The following ITGA11 variants were observed in gnomAD, a reference collection of about 807,000 sequenced individuals.
The protein encoded by ITGA11 is integrin subunit alpha 11, also known as integrin alpha-11.
A neutral mutation model predicts 141.9 loss-of-function variants in ITGA11; 97 were observed. The observed-to-expected ratio is 0.68, with a 90% confidence interval of 0.58 to 0.81. The LOEUF is 0.81. Among genes scored for constraint, ITGA11 ranks in the 30% least tolerant of loss-of-function variants. The pLI is 0.00. For synonymous variants in ITGA11, 658 were observed against 624.6 expected (o/e 1.05, Z -0.80); for missense variants, 1,387 against 1,559.2 (o/e 0.89, Z 1.86).
chr15:68,355,744 G>A (rs1245065183), intron 7 of ITGA11, among the ~76,000 whole-genome samples: 2 of 148,482 alleles, frequency 1.3e-5, no homozygotes, highest in African/African-American at 2.5e-5. Context: ...ACCGCACCTG[G>A]CCTAAATAGC....
rs1892995963 is a variant in ITGA11, at chr15:68,300,167, C to G, written c.*2892G>C. On this transcript the variant is annotated 3_prime_UTR_variant, in exon 30 of 30. Transcript: ENST00000315757. ...ATGTGCTTAGAATTACCTCACAGAG[C>G]TTGGATCCATGAAGTCTGAGGAGGA... 1 of 152,218 alleles carries G rather than the reference C, an allele frequency of 6.6e-6. No homozygotes were observed. The highest frequency in any genetic ancestry group is 2.1e-4 in the South Asian group (1 of 4,828). 9.4% of individuals were successfully genotyped at this position (152,218 alleles called of 1,614,324 possible). A position where few individuals can be genotyped will look rare whatever the true frequency, so the allele number is the denominator to read the frequency against.
At chr15:68,353,640 C>A (rs1270208664) in intron 7 of ITGA11, among the ~76,000 whole-genome samples, 1 of 152,174 alleles carries the variant, frequency 6.6e-6, no homozygotes, top group African/African-American at 2.4e-5. Context: ...TCGGATTCTG[C>A]ACTGGGTAAA....
At chr15:68,386,960 T>C (rs568096083) in intron 2 of ITGA11, among the ~76,000 whole-genome samples, 231 of 151,830 alleles carry the variant, frequency 1.5e-3, no homozygotes, top group African/African-American at 5.3e-3. Context: ...CCTCACCCCC[T>C]ATCTCACCCA....
intron 9 of ITGA11, among the ~76,000 whole-genome samples, chr15:68,349,138 G>A (rs1445158867): frequency 1.3e-5 from 2 of 152,230 alleles, no homozygotes; most frequent in Non-Finnish European, 2.9e-5. Flanking sequence ...GTTGTTACTG[G>A]TAGCCCACTT....
intron 1 of ITGA11, among the ~76,000 whole-genome samples, chr15:68,407,331 G>T (rs1417862329): frequency 6.6e-6 from 1 of 152,166 alleles, no homozygotes; most frequent in Non-Finnish European, 1.5e-5. Context: ...CAAAGTGCTG[G>T]TTTCGTCTCC....
chr15:68,381,701 G>T (rs1041116530), intron 2 of ITGA11, among the ~76,000 whole-genome samples: 2 of 152,046 alleles, frequency 1.3e-5, no homozygotes, highest in African/African-American at 2.4e-5. Context: ...GATTATAGGC[G>T]CTCACTGCCA....
Position 68,321,105 on chromosome 15 carries a change from C to T in ITGA11, c.2408+313G>A, listed in dbSNP as rs1893790691. The stretch of plus-strand genomic sequence containing the variant: ...GCTGAAGGACAAGCACCCAGAACTC[C>T]AGAGACTCCTGTCTCTACCTTTCAT... On this transcript the variant is annotated intron_variant, in intron 19 of 29. Coordinates refer to ENST00000315757, the MANE Select transcript of ITGA11 (RefSeq NM_001004439.2). The surrounding 1 kb of genome is among the most constrained non-coding windows in gnomAD (Gnocchi z 4.9). 6.6e-6 allele frequency among the ~76,000 whole-genome samples: 1 copy of T among 151,900 alleles called. No homozygotes were observed. Among genetic ancestry groups the T allele is most frequent in the African/African-American group, 2.4e-5 (1 of 41,348 alleles).
At chr15:68,398,685 C>A in intron 2 of ITGA11, among the ~76,000 whole-genome samples, 2 of 144,438 alleles carry the variant, frequency 1.4e-5, no homozygotes, top group East Asian at 2.0e-4. Context: ...AGCATAAATG[C>A]AAATATGAAA....
At chr15:68,365,973 T>C (rs1895409793) in intron 3 of ITGA11, among the ~76,000 whole-genome samples, 1 of 152,132 alleles carries the variant, frequency 6.6e-6, no homozygotes, top group Admixed American at 6.5e-5. Flanking sequence ...TGCAGGAGTC[T>C]GGGGGTGGGC....
rs759188769 is a variant in ITGA11 at position 68,307,575 on chromosome 15, G to A, written c.3285+11C>T. 9.4e-6 allele frequency: 15 copies of A among 1,595,296 alleles called. No individual in the cohort carries two copies. The highest frequency in any genetic ancestry group is 1.3e-5 in the Non-Finnish European group (15 of 1,164,656). On this transcript the variant is annotated intron_variant, in intron 27 of 29. Transcript: ENST00000315757. The surrounding 1 kb of genome is among the most constrained non-coding windows in gnomAD (Gnocchi z 6.1). ...TTCTTCCTTCCAGCCCAGCCCAGGG[G>A]CTCTACTTACTGCTTTTAGGGACCT...
chr15:68,329,484 G>T (rs11858293), intron 15 of ITGA11, among the ~76,000 whole-genome samples: 1 of 152,130 alleles, frequency 6.6e-6, no homozygotes, highest in African/African-American at 2.4e-5. Flanking sequence ...GCTCTCGCCC[G>T]CAATTTCATC....
At position 68,412,241 on chromosome 15, in the gene ITGA11, G is replaced by A. The variant is rs567554592; in HGVS notation, c.53-9212C>T. Reference sequence around the variant, plus strand: ...AAAGACAAGGAGAAGAGGAGCTGGGGATCTCTGGGGACTCGTGGTTGCTGG... The same window carrying A: ...AAAGACAAGGAGAAGAGGAGCTGGGAATCTCTGGGGACTCGTGGTTGCTGG... On this transcript the variant is annotated intron_variant, in intron 1 of 29. Transcript: ENST00000315757. 7.9e-5 allele frequency among the ~76,000 whole-genome samples: 12 copies of A among 152,248 alleles called. No homozygotes were observed. The South Asian group carries it at 2.3e-3, about 29-fold the overall frequency.
chr15:68,349,046 C>G, intron 9 of ITGA11, 146 bp from the exon 10 acceptor site: 1 of 715,328 alleles, frequency 1.4e-6, no homozygotes, highest in South Asian at 1.7e-5. Context: ...GAAGCTGAGG[C>G]CAGTAGTGTG....
At position 68,307,604 on chromosome 15, in the gene ITGA11, C is replaced by T; in HGVS notation, c.3267G>A (p.Trp1089Ter). Residue 1089 changes from tryptophan (W) to a stop codon, truncating the protein, a stop_gained, in exon 27 of 30, where the codon TGG (tryptophan) becomes TGA (stop). Coordinates refer to ENST00000315757, the MANE Select transcript of ITGA11 (RefSeq NM_001004439.2). LOFTEE classifies it high-confidence loss of function. This position sits in a 1 kb window ranked among gnomAD's most constrained non-coding sequence, Gnocchi z 6.1. ...EINFHLLGNL[W>*]LRSLKALKYK... is the part of the protein sequence containing the mutation. ...TACTTACTGCTTTTAGGGACCTCAA[C>T]CACAGGTTCCCCAGTAGATGGAAAT... is the stretch of plus-strand genomic sequence containing the variant. The T allele has an allele frequency of 6.2e-7, 1 of 1,613,116 alleles. No homozygotes were observed. Among genetic ancestry groups the T allele is most frequent in the Non-Finnish European group, 8.5e-7 (1 of 1,179,288 alleles).
chr15:68,355,206 C>T (rs922861245), intron 7 of ITGA11, among the ~76,000 whole-genome samples: 2 of 152,144 alleles, frequency 1.3e-5, no homozygotes, highest in Non-Finnish European at 2.9e-5. Flanking sequence ...CTGGGAGTCT[C>T]GGGTCTCACC....
chr15:68,424,247 C>A (rs1264781845), intron 1 of ITGA11, among the ~76,000 whole-genome samples: 4 of 152,222 alleles, frequency 2.6e-5, no homozygotes, highest in Non-Finnish European at 5.9e-5. Flanking sequence ...CCAGCCCAAC[C>A]CAGCTGTGAA....
intron 7 of ITGA11, among the ~76,000 whole-genome samples, chr15:68,354,428 C>T (rs543844715): frequency 7.9e-5 from 12 of 152,244 alleles, no homozygotes; most frequent in Admixed American, 6.5e-4. Context: ...CACTCCTGTA[C>T]TCAAGAATCT....
chr15:68,320,045 C>T, intron 20 of ITGA11, 140 bp downstream of exon 20: 3 of 717,492 alleles, frequency 4.2e-6, no homozygotes, highest in Non-Finnish European at 4.7e-6. Flanking sequence ...CCACCTCAGC[C>T]TCCCAAAGTG....
At chr15:68,306,358 G>T (rs1198002184) in intron 28 of ITGA11, among the ~76,000 whole-genome samples, 3 of 151,962 alleles carry the variant, frequency 2.0e-5, no homozygotes, top group African/African-American at 4.8e-5. Context: ...GTGGGGGAGC[G>T]GGGGTGCCTG....
Sources: allele counts gnomAD v4.1 joint callset (sites outside exome capture counted in the v4.1 genomes callset), GRCh38; gene constraint gnomAD v4.1.1; non-coding constraint Gnocchi (gnomAD v3.1); transcripts MANE v1.5; gene names NCBI Gene and HGNC (gene_info 2026-07-23, HGNC 2026-07-21).